The following MOBP variants were observed in gnomAD, a reference collection of about 807,000 sequenced individuals.
The protein encoded by MOBP is myelin associated oligodendrocyte basic protein, also known as myelin-associated oligodendrocyte basic protein.
Under a neutral mutation model 15.0 loss-of-function variants are expected in MOBP, and 5 were observed. The ratio of observed to expected loss-of-function variants is 0.33; its 90% CI spans 0.17 to 0.70. MOBP has a LOEUF of 0.70. Ranked by LOEUF, MOBP falls within the 30% of genes least tolerant of loss-of-function variation. The pLI, the probability that MOBP is intolerant of heterozygous loss-of-function variation, is 0.67. For missense variants in MOBP, 188 were observed against 257.8 expected (o/e 0.73, Z 1.85); for synonymous variants, 88 against 99.0 (o/e 0.89, Z 0.66).
intron 1 of MOBP, among the ~76,000 whole-genome samples, chr3:39,469,635 T>C (rs2042440336): frequency 6.6e-6 from 1 of 152,158 alleles, no homozygotes; most frequent in Admixed American, 6.5e-5. Flanking sequence ...CCAGTTATTT[T>C]GCTAAATGTC....
intron 1 of MOBP, among the ~76,000 whole-genome samples, chr3:39,471,239 C>T (rs984774210): frequency 2.6e-5 from 4 of 151,812 alleles, no homozygotes; most frequent in Non-Finnish European, 2.9e-5. Flanking sequence ...AAGCGATTCT[C>T]CTGTCTCAGC....
chr3:39,489,486 TG>T (rs1326890630), intron 2 of MOBP, among the ~76,000 whole-genome samples: 4 of 152,220 alleles, frequency 2.6e-5, no homozygotes, highest in Non-Finnish European at 5.9e-5. Flanking sequence ...AGTCATCTTA[TG>T]TGTATATTCT....
chr3:39,494,425 TA>T (rs1320158812), intron 2 of MOBP, among the ~76,000 whole-genome samples: 2 of 152,228 alleles, frequency 1.3e-5, no homozygotes, highest in African/African-American at 4.8e-5. Flanking sequence ...AGTTTTAAGT[TA>T]TATGGAAACC....
intron 1 of MOBP, among the ~76,000 whole-genome samples, chr3:39,471,805 CAT>C (rs2042473903): frequency 6.6e-6 from 1 of 152,204 alleles, no homozygotes; most frequent in South Asian, 2.1e-4. Context: ...AGGAATCTAA[CAT>C]GTACTGAGAT....
At chr3:39,517,797 A>C (rs2043221585), downstream of MOBP, 1 of 152,240 alleles carries the variant, frequency 6.6e-6, no homozygotes, top group Non-Finnish European at 1.5e-5. Flanking sequence ...TGAGCAGAAG[A>C]ACACAGATGA....
intron 2 of MOBP, among the ~76,000 whole-genome samples, chr3:39,491,245 A>G (rs1559419794): frequency 6.6e-6 from 1 of 152,202 alleles, no homozygotes; most frequent in Non-Finnish European, 1.5e-5. Flanking sequence ...TCTCCCCTGT[A>G]TAAACAGTGT....
intron 2 of MOBP, among the ~76,000 whole-genome samples, chr3:39,483,459 G>A (rs2042655297): frequency 6.6e-6 from 1 of 152,162 alleles, no homozygotes; most frequent in Non-Finnish European, 1.5e-5. Context: ...GTCTCTCAAA[G>A]AATGGAACCC....
At chr3:39,516,369 G>A (rs1239849151), downstream of MOBP, among the ~76,000 whole-genome samples, 1 of 152,302 alleles carries the variant, frequency 6.6e-6, no homozygotes, top group East Asian at 1.9e-4. Flanking sequence ...GGCCAAATCA[G>A]GCTCAGATGA....
chr3:39,508,313 G>A (rs2043073227), intron 4 of MOBP, among the ~76,000 whole-genome samples: 1 of 152,004 alleles, frequency 6.6e-6, no homozygotes, highest in East Asian at 1.9e-4. Flanking sequence ...ACATTTCTAC[G>A]CACATAGTCC....
chr3:39,520,383 C>T (rs75086731), downstream of MOBP, among the ~76,000 whole-genome samples: 16 of 152,244 alleles, frequency 1.1e-4, 1 homozygote, highest in East Asian at 1.9e-3. Context: ...TTCAAAAGTC[C>T]TCAGTCTACT....
At chr3:39,527,966 A>G (rs1051681036), downstream of MOBP, 2 of 152,180 alleles carry the variant, frequency 1.3e-5, no homozygotes, top group African/African-American at 4.8e-5. Context: ...TCAAGAAAGA[A>G]GAGAAGATAT....
rs144498690 is a variant in MOBP, at chr3:39,500,496, G to A, written c.-4-1570G>A. Among the ~76,000 whole-genome samples the A allele has an allele frequency of 7.2e-5, 11 of 152,286 alleles. No homozygotes were observed. The East Asian group carries it at 2.1e-3, about 29-fold the overall frequency. Reference sequence around the variant, plus strand: ...AGAGGAGGAGATCTAGGAGAATGTGGTGTCACAGGAAAGGAAAGACTTTAG... The same window carrying A: ...AGAGGAGGAGATCTAGGAGAATGTGATGTCACAGGAAAGGAAAGACTTTAG... On this transcript the variant is annotated intron_variant, in intron 2 of 3. Coordinates refer to ENST00000684792, the MANE Select transcript of MOBP (RefSeq NM_001393704.1).
chr3:39,509,646 G>A (rs1053277780), intron 4 of MOBP, among the ~76,000 whole-genome samples: 1 of 152,066 alleles, frequency 6.6e-6, no homozygotes, highest in Non-Finnish European at 1.5e-5. Flanking sequence ...ATTTTCTCCA[G>A]GTCTGTGACT....
chr3:39,467,937 G>T (rs1172347735), intron 1 of MOBP, among the ~76,000 whole-genome samples, 197 bp downstream of exon 1: 1 of 152,092 alleles, frequency 6.6e-6, no homozygotes, highest in Non-Finnish European at 1.5e-5. Flanking sequence ...GTGGGCAGGG[G>T]GCCTCCTGGA....
At chr3:39,507,600 C>T (rs527377283), downstream of MOBP, among the ~76,000 whole-genome samples, 23 of 152,172 alleles carry the variant, frequency 1.5e-4, no homozygotes, top group Non-Finnish European at 2.8e-4. Context: ...GGTTAGGGTA[C>T]ACCTGGAATG....
chr3:39,504,429 T>G (rs1021140309), downstream of MOBP, among the ~76,000 whole-genome samples: 2 of 152,240 alleles, frequency 1.3e-5, no homozygotes, highest in Admixed American at 6.5e-5. Flanking sequence ...CACAGATTTG[T>G]CTGGACCTAA....
downstream of MOBP, among the ~76,000 whole-genome samples, chr3:39,506,620 A>T (rs1768251): frequency 1 from 152,174 of 152,348 alleles, 76,000 homozygotes; most frequent in Middle Eastern, 1. Context: ...TTCTCGTCAG[A>T]CATTAGTCAG....
rs144017786 is a variant in MOBP, at chr3:39,478,942, G to A, written c.-88-1098G>A. 5.2e-3 allele frequency among the ~76,000 whole-genome samples: 793 copies of A among 151,764 alleles called. 6 individuals are homozygous for A. Among genetic ancestry groups the A allele is most frequent in the African/African-American group, 0.018 (747 of 41,304 alleles). On this transcript the variant is annotated intron_variant, in intron 1 of 3. Transcript: ENST00000684792. ...CCTCCCGGGTTCAAGCAATTCTCCT[G>A]CCTCAGCCTCCTGAGTAGCTGGGAT...
chr3:39,486,123 G>A (rs2042704630), intron 2 of MOBP, among the ~76,000 whole-genome samples: 1 of 152,124 alleles, frequency 6.6e-6, no homozygotes, highest in Non-Finnish European at 1.5e-5. Flanking sequence ...TCCTGTTCAA[G>A]TTTGTTGTGT....
Sources: gnomAD v4.1 joint callset for allele counts (sites outside exome capture counted in the v4.1 genomes callset) on GRCh38, gnomAD v4.1.1 for gene constraint, MANE v1.5 for transcripts, NCBI Gene and HGNC (gene_info 2026-07-23, HGNC 2026-07-21) for gene names.